Variants in OSTN observed in about 807,000 individuals in gnomAD.
The protein encoded by OSTN is osteocrin.
OSTN carries 9 observed loss-of-function variants against 12.0 expected under a neutral mutation model. The ratio of observed to expected loss-of-function variants is 0.75; its 90% CI spans 0.45 to 1.30. The LOEUF is 1.30. OSTN is among the 50% of genes most tolerant of loss of function. The probability of loss-of-function intolerance (pLI) is 0.00; values close to 1 mark genes in which losing one functional copy is unlikely to be tolerated. For missense variants in OSTN, 148 were observed against 152.3 expected, an observed-to-expected ratio of 0.97 and a Z score of 0.15; for synonymous variants, 59 against 56.9, an observed-to-expected ratio of 1.04 and a Z score of -0.16.
In OSTN at chr3:191,263,261, T is replaced by C. The variant is rs1468005163; in HGVS notation, c.*408T>C. On this transcript the variant is annotated 3_prime_UTR_variant, in exon 5 of 5. Transcript: ENST00000682035. ...TTATAATCTGTCCATTATTGGGGAA[T>C]GAGGAAAGGCAATGCTGTGTATTTT... 1 of 164,302 alleles carries C rather than the reference T, an allele frequency of 6.1e-6. No individual in the cohort carries two copies. Among genetic ancestry groups the C allele is most frequent in the African/African-American group, 2.4e-5 (1 of 41,970 alleles). 10.2% of individuals were successfully genotyped at this position (164,302 alleles called of 1,614,324 possible).
At chr3:191,247,081 C>T (rs1198114290) in intron 3 of OSTN, among the ~76,000 whole-genome samples, 3 of 152,236 alleles carry the variant, frequency 2.0e-5, no homozygotes, top group African/African-American at 4.8e-5. Context: ...TTCTGACTAC[C>T]ACGAGGAAAA....
intron 3 of OSTN, among the ~76,000 whole-genome samples, chr3:191,245,850 G>C (rs1715416977): frequency 6.6e-6 from 1 of 151,956 alleles, no homozygotes; most frequent in Non-Finnish European, 1.5e-5. Context: ...TGGATCGCCT[G>C]AGGTCAGGAG....
At chr3:191,249,624 T>C (rs1197874922) in intron 3 of OSTN, among the ~76,000 whole-genome samples, 2 of 152,212 alleles carry the variant, frequency 1.3e-5, no homozygotes. Context: ...CTTCTTTAGA[T>C]GAGCCATTCT....
chr3:191,215,404 A>C (rs1346304653), intron 2 of OSTN, among the ~76,000 whole-genome samples: 5 of 152,154 alleles, frequency 3.3e-5, no homozygotes, highest in Non-Finnish European at 7.4e-5. Flanking sequence ...TCACATTTCA[A>C]AACACAATCA....
chr3:191,214,328 G>C (rs956481127), intron 2 of OSTN, among the ~76,000 whole-genome samples: 1 of 150,442 alleles, frequency 6.6e-6, no homozygotes, highest in African/African-American at 2.5e-5. Flanking sequence ...GGCGCCTGTA[G>C]TCCCTGCTGC....
chr3:191,237,191 C>T (rs563427843), intron 3 of OSTN, among the ~76,000 whole-genome samples: 5 of 152,222 alleles, frequency 3.3e-5, no homozygotes, highest in African/African-American at 9.6e-5. Context: ...GTCAATTATG[C>T]GTTGCCTCAA....
At chr3:191,238,070 G>A (rs1172206940) in intron 3 of OSTN, among the ~76,000 whole-genome samples, 5 of 152,124 alleles carry the variant, frequency 3.3e-5, no homozygotes, top group Admixed American at 6.6e-5. Context: ...GCCAATCGCG[G>A]CATCTCAAGG....
At chr3:191,225,462 C>T (rs928245889) in intron 3 of OSTN, among the ~76,000 whole-genome samples, 2 of 151,958 alleles carry the variant, frequency 1.3e-5, no homozygotes, top group Non-Finnish European at 2.9e-5. Context: ...TTTCCAAATT[C>T]CTTTCCTGAA....
chr3:191,205,445 T>A (rs7640907), intron 1 of OSTN, among the ~76,000 whole-genome samples: 48,437 of 136,400 alleles, frequency 0.36, 10,173 homozygotes, highest in African/African-American at 0.63. Context: ...TAAAAAAAAA[T>A]ATATATATAT....
chr3:191,230,061 A>T (rs1473765140), intron 3 of OSTN, among the ~76,000 whole-genome samples: 2 of 126,002 alleles, frequency 1.6e-5, no homozygotes, highest in African/African-American at 9.4e-5. Context: ...GTGAGGACTC[A>T]GTCTCAATAA....
rs1348689501 is a variant in OSTN at position 191,263,342 on chromosome 3, T to C, written c.*489T>C. ...ATTTTTCCAAGAGTCTGATCGGTAATAATTATGAAATTAGGCTTCTCTTTT... is the reference window on the plus strand; with the variant it reads ...ATTTTTCCAAGAGTCTGATCGGTAACAATTATGAAATTAGGCTTCTCTTTT... On this transcript the variant is annotated 3_prime_UTR_variant, in exon 5 of 5. Coordinates refer to ENST00000682035, the MANE Select transcript of OSTN (RefSeq NM_198184.2). The C allele has an allele frequency of 1.3e-5, 2 of 152,742 alleles. No homozygotes were observed. Among genetic ancestry groups the C allele is most frequent in the African/African-American group, 4.8e-5 (2 of 41,468 alleles). The allele number at this position is 152,742 out of a possible 1,614,324, so 9.5% of individuals were successfully genotyped here.
chr3:191,220,054 A>C (rs1440588445), intron 3 of OSTN, among the ~76,000 whole-genome samples: 1 of 152,190 alleles, frequency 6.6e-6, no homozygotes, highest in African/African-American at 2.4e-5. Flanking sequence ...CAAGAGCTAC[A>C]GGGAATTTCA....
intron 4 of OSTN, among the ~76,000 whole-genome samples, chr3:191,250,670 T>C (rs1053497197): frequency 6.6e-6 from 1 of 152,218 alleles, no homozygotes; most frequent in Non-Finnish European, 1.5e-5. Flanking sequence ...GTTAAGATAG[T>C]TTATTTTTCT....
intron 3 of OSTN, among the ~76,000 whole-genome samples, chr3:191,249,294 T>C (rs1382649018): frequency 6.6e-6 from 1 of 152,196 alleles, no homozygotes; most frequent in African/African-American, 2.4e-5. Context: ...TTTGGCTTGA[T>C]AGAACTAAGT....
rs563992498 is a variant in OSTN at position 191,217,331 on chromosome 3, T to G, written c.103-1416T>G. 5.9e-5 allele frequency among the ~76,000 whole-genome samples: 9 copies of G among 152,312 alleles called. No homozygotes were observed. In the South Asian group the frequency reaches 1.9e-3, roughly 32 times the overall value. On this transcript the variant is annotated intron_variant, in intron 2 of 4. Coordinates refer to ENST00000682035, the MANE Select transcript of OSTN (RefSeq NM_198184.2). ...TGAGGATTACAATTCAAGATGATAT[T>G]TTGGATGGGAACACAGCCAAACCAT...
At position 191,265,418 on chromosome 3, in the gene OSTN, A is replaced by G. The variant is rs1391509916; in HGVS notation, c.*2565A>G. 2.6e-5 allele frequency: 4 copies of G among 152,250 alleles called. No individual in the cohort carries two copies. The highest frequency in any genetic ancestry group is 1.3e-4 in the Admixed American group (2 of 15,288). 9.4% of individuals were successfully genotyped at this position (152,250 alleles called of 1,614,324 possible). A position where few individuals can be genotyped will look rare whatever the true frequency, so the allele number is the denominator to read the frequency against. On this transcript the variant is annotated 3_prime_UTR_variant, in exon 5 of 5. Coordinates refer to ENST00000682035, the MANE Select transcript of OSTN (RefSeq NM_198184.2). ...TACACACACTAAAAAATGTCTGTCA[A>G]GTTGTACCTTTAACCTGTTCATAGC... is the stretch of plus-strand genomic sequence containing the variant.
chr3:191,209,001 T>C (rs1240965094), intron 1 of OSTN, among the ~76,000 whole-genome samples: 7 of 151,968 alleles, frequency 4.6e-5, no homozygotes, highest in Non-Finnish European at 1.0e-4. Flanking sequence ...CTACCAAAAA[T>C]ACAAAAAATT....
At chr3:191,209,494 A>T (rs754712711) in intron 1 of OSTN, among the ~76,000 whole-genome samples, 1 of 152,232 alleles carries the variant, frequency 6.6e-6, no homozygotes, top group Non-Finnish European at 1.5e-5. Context: ...CCCTTCTAGA[A>T]AAGAACGGAA....
intron 1 of OSTN, among the ~76,000 whole-genome samples, chr3:191,207,538 C>A (rs1462389859): frequency 6.6e-6 from 1 of 152,096 alleles, no homozygotes; most frequent in Non-Finnish European, 1.5e-5. Flanking sequence ...TAGAAGTTTG[C>A]TCTTTCTTTT....
Sources: allele counts gnomAD v4.1 joint callset (sites outside exome capture counted in the v4.1 genomes callset), GRCh38; gene constraint gnomAD v4.1.1; transcripts MANE v1.5; gene names NCBI Gene and HGNC (gene_info 2026-07-23, HGNC 2026-07-21).